The following CHN2 variants were observed in gnomAD, a reference collection of about 807,000 sequenced individuals.
CHN2 encodes beta-chimaerin.
In CHN2, 35 loss-of-function variants were observed where a neutral mutation model predicts 56.3. The ratio of observed to expected loss-of-function variants is 0.62; its 90% confidence interval spans 0.47 to 0.82. CHN2 has a LOEUF of 0.82. Among genes scored for constraint, CHN2 ranks in the 40% least tolerant of loss-of-function variants. The pLI is 0.00. For missense variants in CHN2, 491 were observed against 580.5 expected, an observed-to-expected ratio of 0.85 and a Z score of 1.58; for synonymous variants, 210 against 212.8, an observed-to-expected ratio of 0.99 and a Z score of 0.12.
intron 6 of CHN2, among the ~76,000 whole-genome samples, chr7:29,425,077 C>G (rs1036053483): frequency 6.6e-6 from 1 of 152,224 alleles, no homozygotes; most frequent in Admixed American, 6.5e-5. Context: ...GTTTCACACC[C>G]TTAACAACCA....
chr7:29,254,982 G>C (rs924098957), intron 1 of CHN2, among the ~76,000 whole-genome samples: 2 of 152,172 alleles, frequency 1.3e-5, no homozygotes, highest in African/African-American at 4.8e-5. Context: ...CCTACCAAGA[G>C]AGCGTGCAGG....
At chr7:29,341,623 A>AG (rs900336603) in intron 1 of CHN2, among the ~76,000 whole-genome samples, 16 of 148,162 alleles carry the variant, frequency 1.1e-4, no homozygotes, top group Non-Finnish European at 2.1e-4. Flanking sequence ...GGAGAGAGGG[A>AG]GGGGGGCATC....
intron 1 of CHN2, chr7:29,336,222 C>A (rs2128908755): frequency 6.6e-6 from 1 of 152,270 alleles, no homozygotes; most frequent in Non-Finnish European, 1.5e-5. Context: ...ATTGCCTGAC[C>A]CTCCAGTATT....
chr7:29,355,616 G>C (rs1251758885), intron 2 of CHN2, among the ~76,000 whole-genome samples: 1 of 151,836 alleles, frequency 6.6e-6, no homozygotes, highest in Non-Finnish European at 1.5e-5. Context: ...GCCAGGGTGC[G>C]CAGGCCCTGG....
chr7:29,457,215 T>C (rs983788642), intron 6 of CHN2, among the ~76,000 whole-genome samples: 5 of 152,166 alleles, frequency 3.3e-5, no homozygotes, highest in African/African-American at 1.2e-4. Flanking sequence ...CTTCAGGCTG[T>C]ACCTCCTCTG....
intron 1 of CHN2, among the ~76,000 whole-genome samples, chr7:29,292,578 A>G (rs994148065): frequency 6.6e-6 from 1 of 152,238 alleles, no homozygotes; most frequent in Non-Finnish European, 1.5e-5. Context: ...TGCAATGCCA[A>G]CAGATTTTTA....
intron 1 of CHN2, among the ~76,000 whole-genome samples, chr7:29,279,355 A>C (rs1791491279): frequency 6.6e-6 from 1 of 152,266 alleles, no homozygotes; most frequent in African/African-American, 2.4e-5. Context: ...ATTGGATTGA[A>C]GGAAAACTAT....
rs567537816 is a variant in CHN2, at chr7:29,156,063, C to T, written c.274+9103C>T. Among the ~76,000 whole-genome samples, 5 of 152,240 alleles carry T rather than the reference C, an allele frequency of 3.3e-5. No homozygotes were observed. In the South Asian group the frequency reaches 6.2e-4, roughly 19 times the overall value. The stretch of plus-strand genomic sequence containing the variant: ...AAAAGAGTGCTGAGGGATAAACCGG[C>T]GAAGCATGGTGAGAGAGGGAAGAGT... On this transcript the variant is annotated intron_variant, in intron 2 of 6. Transcript: ENST00000439384.
At chr7:29,381,572 T>C (rs769664093) in intron 3 of CHN2, among the ~76,000 whole-genome samples, 42 of 151,886 alleles carry the variant, frequency 2.8e-4, no homozygotes, top group Non-Finnish European at 5.1e-4. Context: ...TGGATCAAAA[T>C]CAATGGGAAG....
chr7:29,310,713 A>G (rs1196150621), intron 1 of CHN2, among the ~76,000 whole-genome samples: 1 of 152,212 alleles, frequency 6.6e-6, no homozygotes, highest in Non-Finnish European at 1.5e-5. Context: ...TTCCTGATTC[A>G]TAAACAGGGC....
In CHN2 at chr7:29,212,757, G is replaced by T. The variant is rs137913730; in HGVS notation, c.49+17767G>T. ...AACCAGAGAATGAAATCTAAGAGGT[G>T]GCAGAAAAACAACTGGCCGAAGAAT... On this transcript the variant is annotated intron_variant, in intron 1 of 12. Transcript: ENST00000222792. 3,931 of 1,610,014 alleles carry T rather than the reference G, an allele frequency of 2.4e-3. 13 individuals carry two copies. The highest frequency in any genetic ancestry group is 8.9e-3 in the Middle Eastern group (54 of 6,054).
At chr7:29,156,311 T>C (rs1363512480) in intron 2 of CHN2, among the ~76,000 whole-genome samples, 1 of 152,192 alleles carries the variant, frequency 6.6e-6, no homozygotes, top group Non-Finnish European at 1.5e-5. Flanking sequence ...TCAAAACAAA[T>C]TTCGATGATT....
chr7:29,353,459 G>T lies in CHN2; in HGVS notation c.50-1166G>T, dbSNP rs1043463694. On this transcript the variant is annotated intron_variant, in intron 1 of 12. Coordinates refer to ENST00000222792, the MANE Select transcript of CHN2 (RefSeq NM_004067.4). Reference sequence around the variant, plus strand: ...ACTTGAGGTCAGGAGTTCAAGATGTGCCTGGCCAACATGGCGAAATGCCGT... The same window carrying T: ...ACTTGAGGTCAGGAGTTCAAGATGTTCCTGGCCAACATGGCGAAATGCCGT... Among the ~76,000 whole-genome samples the T allele has an allele frequency of 7.2e-5, 11 of 152,156 alleles. No homozygotes were observed. In the South Asian group the frequency reaches 2.1e-3, roughly 29 times the overall value.
At chr7:29,231,198 G>A (rs1204928155) in intron 1 of CHN2, among the ~76,000 whole-genome samples, 3 of 151,944 alleles carry the variant, frequency 2.0e-5, no homozygotes, top group Non-Finnish European at 2.9e-5. Flanking sequence ...GCTTACTTTC[G>A]GCTCAAAGTT....
chr7:29,513,789 A>G lies in CHN2; in HGVS notation c.*1054A>G, dbSNP rs1425018876. 6.6e-6 allele frequency: 1 copy of G among 152,656 alleles called. No individual in the cohort carries two copies. The highest frequency in any genetic ancestry group is 2.4e-5 in the African/African-American group (1 of 41,452). 9.5% of individuals were successfully genotyped at this position (152,656 alleles called of 1,614,324 possible). A position where few individuals can be genotyped will look rare whatever the true frequency, so the allele number is the denominator to read the frequency against. On this transcript the variant is annotated 3_prime_UTR_variant, in exon 13 of 13. Coordinates refer to ENST00000222792, the MANE Select transcript of CHN2 (RefSeq NM_004067.4). The stretch of plus-strand genomic sequence containing the variant: ...GTGAGAATAAGGTTGGTTTTTACCA[A>G]ATATTTGTTCCTCCTTGACAAAAGT...
chr7:29,426,829 A>G (rs1408675191), intron 6 of CHN2, among the ~76,000 whole-genome samples: 1 of 152,140 alleles, frequency 6.6e-6, no homozygotes, highest in African/African-American at 2.4e-5. Flanking sequence ...TTGAGTTTGT[A>G]GATATGAGCT....
intron 2 of CHN2, among the ~76,000 whole-genome samples, chr7:29,364,077 T>C (rs1326841510): frequency 6.6e-6 from 1 of 152,238 alleles, no homozygotes; most frequent in Non-Finnish European, 1.5e-5. Context: ...CTCTATGTCC[T>C]GGAGCAAATA....
At chr7:29,211,047 C>G (rs61699092) in intron 1 of CHN2, among the ~76,000 whole-genome samples, 1,732 of 116,654 alleles carry the variant, frequency 0.015, 30 homozygotes, top group African/African-American at 0.057. Flanking sequence ...CATGATCTGA[C>G]TTAGGTGTTT....
chr7:29,365,435 A>T (rs1799076841), intron 2 of CHN2, among the ~76,000 whole-genome samples: 1 of 152,220 alleles, frequency 6.6e-6, no homozygotes, highest in South Asian at 2.1e-4. Context: ...ATAGTTGTTG[A>T]TAAGTTATAT....
Sources: allele counts gnomAD v4.1 joint callset (sites outside exome capture counted in the v4.1 genomes callset), GRCh38; gene constraint gnomAD v4.1.1; transcripts MANE v1.5; gene names NCBI Gene and HGNC (gene_info 2026-07-23, HGNC 2026-07-21).